The following NEDD4L variants were observed in gnomAD, a reference collection of about 807,000 sequenced individuals.
NEDD4L encodes NEDD4 like E3 ubiquitin protein ligase.
Under a neutral mutation model 148.9 loss-of-function variants are expected in NEDD4L, and 54 were observed. The observed-to-expected ratio is 0.36, with a 90% CI of 0.29 to 0.45. The LOEUF is 0.45. Ranked by LOEUF, NEDD4L falls within the 20% of genes least tolerant of loss-of-function variation. The pLI, the probability that NEDD4L is intolerant of heterozygous loss-of-function variation, is 1.00. For synonymous variants in NEDD4L, 433 were observed against 440.7 expected, an observed-to-expected ratio of 0.98 and a Z score of 0.22; for missense variants, 856 against 1,233.8, an observed-to-expected ratio of 0.69 and a Z score of 4.59.
intron 5 of NEDD4L, among the ~76,000 whole-genome samples, chr18:58,258,796 A>G (rs1347644921): frequency 6.6e-6 from 1 of 152,222 alleles, no homozygotes; most frequent in Non-Finnish European, 1.5e-5. Context: ...TGGTCACATA[A>G]CAAAACCGCC....
chr18:58,149,158 C>T lies in NEDD4L; in HGVS notation c.49-16630C>T, dbSNP rs547092206. On this transcript the variant is annotated intron_variant, in intron 1 of 30. Coordinates refer to ENST00000400345, the MANE Select transcript of NEDD4L (RefSeq NM_001144967.3). The stretch of plus-strand genomic sequence containing the variant: ...AACAGAGTGTACTTCTGAACATTTA[C>T]TGAAGGTGGAGGGCCCTGGACACCT... Among the ~76,000 whole-genome samples, 3 of 152,252 alleles carry T rather than the reference C, an allele frequency of 2.0e-5. No homozygotes were observed. The South Asian group carries it at 6.2e-4, about 32-fold the overall frequency.
In NEDD4L at chr18:58,229,337, G is replaced by A. The variant is rs150306116; in HGVS notation, c.123-16090G>A. Among the ~76,000 whole-genome samples the A allele has an allele frequency of 3.5e-4, 53 of 152,190 alleles. No individual in the cohort carries two copies. The East Asian group carries it at 8.3e-3, about 24-fold the overall frequency. ...CCACGCTGCAGGTAGGCATGCTCCCGGGACATTAGTTGCTCAGGTTTCAAA... is the reference window on the plus strand; with the variant it reads ...CCACGCTGCAGGTAGGCATGCTCCCAGGACATTAGTTGCTCAGGTTTCAAA... On this transcript the variant is annotated intron_variant, in intron 2 of 30. Coordinates refer to ENST00000400345, the MANE Select transcript of NEDD4L (RefSeq NM_001144967.3).
At chr18:58,371,344 C>T (rs1374169374) in intron 23 of NEDD4L, among the ~76,000 whole-genome samples, 1 of 151,926 alleles carries the variant, frequency 6.6e-6, no homozygotes, top group African/African-American at 2.4e-5. Flanking sequence ...TGAGCCACCG[C>T]ACCCAGCACG....
intron 2 of NEDD4L, chr18:58,227,938 C>A: frequency 1.3e-6 from 1 of 751,698 alleles, no homozygotes; most frequent in Non-Finnish European, 1.6e-6. Flanking sequence ...TCCAATTTAC[C>A]CCAAATTTGA....
chr18:58,330,850 A>T lies in NEDD4L; in HGVS notation c.926A>T (p.Glu309Val). 2 of 1,613,988 alleles carry T rather than the reference A, an allele frequency of 1.2e-6. No homozygotes were observed. The highest frequency in any genetic ancestry group is 1.7e-6 in the Non-Finnish European group (2 of 1,179,864). ...GSRTSPQELS[E>V]ELSRRLQITP... is the part of the protein sequence containing the mutation. ...CGGACCAGCCCTCAGGAGCTGTCAG[A>T]GGAACTAAGCAGAAGGCTTCAGATC... Residue 309 changes from glutamate to valine, a missense_variant, in exon 11 of 31, where the codon GAG (glutamate) becomes GTG (valine). Physicochemically the swap from Glu to Val is moderately radical, Grantham distance 121. Coordinates refer to ENST00000400345, the MANE Select transcript of NEDD4L (RefSeq NM_001144967.3).
chr18:58,092,483 C>T (rs931369171), intron 1 of NEDD4L, among the ~76,000 whole-genome samples: 4 of 152,000 alleles, frequency 2.6e-5, no homozygotes, highest in African/African-American at 4.8e-5. Context: ...AGATGCTGAA[C>T]GGGTGGGGAA....
At chr18:58,107,890 T>C (rs1319409340) in intron 1 of NEDD4L, among the ~76,000 whole-genome samples, 9 of 152,206 alleles carry the variant, frequency 5.9e-5, no homozygotes, top group Admixed American at 4.6e-4. Flanking sequence ...AATTTTTTTT[T>C]TGTATTTTTA....
chr18:58,308,465 GTA>G (rs2057311362), intron 5 of NEDD4L, among the ~76,000 whole-genome samples: 1 of 152,236 alleles, frequency 6.6e-6, no homozygotes, highest in Non-Finnish European at 1.5e-5. Context: ...CCCAGAACCT[GTA>G]AGCATGACAA....
At chr18:58,331,028 C>T (rs2059746698) in intron 11 of NEDD4L, 114 bp downstream of exon 11, 1 of 1,050,914 alleles carries the variant, frequency 9.5e-7, no homozygotes, top group Non-Finnish European at 1.4e-6. Flanking sequence ...TCCCAGCTAA[C>T]TCTGACATTT....
chr18:58,377,738 G>GGTTTGTTTGTTTGTTTGTTTGTTT (rs142530831), intron 24 of NEDD4L, among the ~76,000 whole-genome samples: 6 of 151,390 alleles, frequency 4.0e-5, no homozygotes, highest in African/African-American at 1.5e-4. Flanking sequence ...TTTGGTTATG[G>GGTTTGTTTGTTTGTTTGTTTGTTT]GTTTGTTTGT....
chr18:58,116,330 T>C (rs536852262), intron 1 of NEDD4L, among the ~76,000 whole-genome samples: 2 of 152,360 alleles, frequency 1.3e-5, no homozygotes, highest in South Asian at 4.1e-4. Flanking sequence ...GTTTTTGTTT[T>C]AAAGCTCAGA....
chr18:58,218,706 G>A (rs2043409839), intron 2 of NEDD4L, among the ~76,000 whole-genome samples: 1 of 152,158 alleles, frequency 6.6e-6, no homozygotes, highest in Admixed American at 6.5e-5. Flanking sequence ...GAATTACCCA[G>A]CCACAAAATG....
At chr18:58,333,999 TAA>T in intron 12 of NEDD4L, 107 bp downstream of exon 12, 1 of 648,336 alleles carries the variant, frequency 1.5e-6, no homozygotes, top group Non-Finnish European at 2.5e-6. Context: ...ATTTACAATA[TAA>T]ATGAGATGTT....
chr18:58,269,525 C>T (rs2050717363), intron 5 of NEDD4L, among the ~76,000 whole-genome samples: 1 of 151,982 alleles, frequency 6.6e-6, no homozygotes, highest in South Asian at 2.1e-4. Flanking sequence ...ATAGAATCTA[C>T]CAAGAATAAT....
At chr18:58,326,475 T>A (rs1293349131) in intron 9 of NEDD4L, among the ~76,000 whole-genome samples, 1 of 152,256 alleles carries the variant, frequency 6.6e-6, no homozygotes, top group Non-Finnish European at 1.5e-5. Context: ...CTATTTCCTT[T>A]TGATTAATGC....
Position 58,252,007 on chromosome 18 carries a change from C to T in NEDD4L, c.250C>T (p.Pro84Ser). ...WNEEFYFRVN[P>S]SNHRLLFEVF... is the part of the protein sequence containing the mutation. ...CTATTTATGTTCCTTATAGGTAAAC[C>T]CATCTAATCACAGACTCCTATTTGA... Residue 84 changes from proline to serine, a missense_variant, in exon 5 of 31, where the codon CCA becomes TCA. Pro to Ser is a moderately conservative substitution (Grantham distance 74, BLOSUM62 -1). Coordinates refer to ENST00000400345, the MANE Select transcript of NEDD4L (RefSeq NM_001144967.3). 6.4e-7 allele frequency: 1 copy of T among 1,561,242 alleles called. No individual in the cohort carries two copies. Among genetic ancestry groups the T allele is most frequent in the Non-Finnish European group, 8.8e-7 (1 of 1,132,122 alleles).
chr18:58,138,140 T>G (rs997432509), intron 1 of NEDD4L, among the ~76,000 whole-genome samples: 2 of 152,188 alleles, frequency 1.3e-5, no homozygotes, highest in African/African-American at 4.8e-5. Context: ...TTTTTCTGGG[T>G]TTCTGATATT....
chr18:58,390,023 A>G (rs532734553), intron 28 of NEDD4L: 1 of 152,284 alleles, frequency 6.6e-6, no homozygotes, highest in East Asian at 1.9e-4. Context: ...GCAGGAATAC[A>G]GAGATAAAAA....
rs1047597459 is a variant in NEDD4L at position 58,184,002 on chromosome 18, T to C, written c.122+18141T>C. 2.0e-5 allele frequency among the ~76,000 whole-genome samples: 3 copies of C among 152,152 alleles called. No individual in the cohort carries two copies. The East Asian group carries it at 5.8e-4, about 29-fold the overall frequency. ...GGCTAACATGGTGAAACCCCGTCTC[T>C]ACTAAAAATAGAGAAAATTAGCCAG... On this transcript the variant is annotated intron_variant, in intron 2 of 30. Transcript: ENST00000400345.
Sources: gnomAD v4.1 joint callset for allele counts (sites outside exome capture counted in the v4.1 genomes callset) on GRCh38, gnomAD v4.1.1 for gene constraint, MANE v1.5 for transcripts, NCBI Gene and HGNC (gene_info 2026-07-23, HGNC 2026-07-21) for gene names.